The following GRIK4 variants were observed in gnomAD, a reference collection of about 807,000 sequenced individuals.
GRIK4 encodes glutamate ionotropic receptor kainate type subunit 4.
Under a neutral mutation model 104.9 loss-of-function variants are expected in GRIK4, and 40 were observed. The observed-to-expected ratio is 0.38, with a 90% CI of 0.30 to 0.50. The LOEUF (loss-of-function observed/expected upper bound fraction) is 0.50, where lower values mean the gene tolerates loss of function less well. Ranked by LOEUF, GRIK4 falls within the 20% of genes least tolerant of loss-of-function variation. The pLI, the probability that GRIK4 is intolerant of heterozygous loss-of-function variation, is 0.93. For synonymous variants in GRIK4, 485 were observed against 524.9 expected (o/e 0.92, Z 1.04); for missense variants, 1,047 against 1,308.1 (o/e 0.80, Z 3.08).
At chr11:120,523,223 G>A (rs764051147) in intron 1 of GRIK4, among the ~76,000 whole-genome samples, 10 of 151,018 alleles carry the variant, frequency 6.6e-5, no homozygotes, top group Non-Finnish European at 1.5e-4. Context: ...CCTTTGAAAC[G>A]TAACGGTCCT....
In GRIK4 at chr11:120,593,069, C is replaced by G. The variant is rs149521422; in HGVS notation, c.-158-60616C>G. 6.4e-3 allele frequency among the ~76,000 whole-genome samples: 978 copies of G among 151,900 alleles called. 5 individuals carry two copies. The highest frequency in any genetic ancestry group is 0.044 in the Middle Eastern group (13 of 294). ...CTGGTGGCGCACTCCTGTAATCCCA[C>G]CTACTCAGGAGGCTGAGGTGGGAGA... On this transcript the variant is annotated intron_variant, in intron 1 of 20. Transcript: ENST00000527524.
intron 8 of GRIK4, among the ~76,000 whole-genome samples, chr11:120,854,241 G>A (rs963095586): frequency 6.6e-6 from 1 of 152,222 alleles, no homozygotes; most frequent in East Asian, 1.9e-4. Context: ...GCTGAGCATG[G>A]AGCAGAGAGG....
chr11:120,849,092 G>A (rs573131160), intron 8 of GRIK4, among the ~76,000 whole-genome samples: 1 of 152,258 alleles, frequency 6.6e-6, no homozygotes, highest in South Asian at 2.1e-4. Context: ...CCAGAGCTGA[G>A]TTTGAGATAC....
rs1944025726 is a variant in GRIK4, at chr11:120,952,533, C to G, written c.1591-322C>G. 6.6e-6 allele frequency among the ~76,000 whole-genome samples: 1 copy of G among 152,164 alleles called. No homozygotes were observed. ...GTGCTTCCTGAGTCCATCCTCCACCCCCGATGGAGGACACAGGGTGGTACT... is the reference window on the plus strand; with the variant it reads ...GTGCTTCCTGAGTCCATCCTCCACCGCCGATGGAGGACACAGGGTGGTACT... On this transcript the variant is annotated intron_variant, in intron 14 of 20. Coordinates refer to ENST00000527524, the MANE Select transcript of GRIK4 (RefSeq NM_014619.5). This position sits in a 1 kb window ranked among gnomAD's most constrained non-coding sequence, Gnocchi z 5.2.
chr11:120,986,416 C>A lies in GRIK4; in HGVS notation c.*156C>A. On this transcript the variant is annotated 3_prime_UTR_variant, in exon 21 of 21. Coordinates refer to ENST00000527524, the MANE Select transcript of GRIK4 (RefSeq NM_014619.5). ...TTCAAAAAGATCAAGGAGCCTGACG[C>A]CCCAGCCAGAGACCGCGCCCGGTCA... 1 of 1,072,028 alleles carries A rather than the reference C, an allele frequency of 9.3e-7. No homozygotes were observed. Among genetic ancestry groups the A allele is most frequent in the Non-Finnish European group, 1.3e-6 (1 of 796,208 alleles). 66.4% of individuals were successfully genotyped at this position (1,072,028 alleles called of 1,614,324 possible).
Position 120,549,688 on chromosome 11 carries a change from G to T in GRIK4, c.-159+37801G>T, listed in dbSNP as rs1351200485. On this transcript the variant is annotated intron_variant, in intron 1 of 20. Coordinates refer to ENST00000527524, the MANE Select transcript of GRIK4 (RefSeq NM_014619.5). This position sits in a 1 kb window ranked among gnomAD's most constrained non-coding sequence, Gnocchi z 4.7. ...CAAGCAGAGGCTGAGGGCGGGTCGT[G>T]GGCCCCTGGGAGATCTGGGGTGCAG... is the stretch of plus-strand genomic sequence containing the variant. 6.6e-6 allele frequency among the ~76,000 whole-genome samples: 1 copy of T among 152,188 alleles called. No homozygotes were observed. The highest frequency in any genetic ancestry group is 1.5e-5 in the Non-Finnish European group (1 of 68,032).
chr11:120,964,964 G>A (rs1591340526), intron 18 of GRIK4, among the ~76,000 whole-genome samples: 2 of 152,174 alleles, frequency 1.3e-5, no homozygotes, highest in Non-Finnish European at 2.9e-5. Context: ...GGACAGGATA[G>A]GTGGGAAGGT....
At chr11:120,729,171 A>T (rs909697827) in intron 3 of GRIK4, among the ~76,000 whole-genome samples, 2 of 152,220 alleles carry the variant, frequency 1.3e-5, no homozygotes, top group African/African-American at 4.8e-5. Context: ...GTTGACGGAC[A>T]CTTAAGTTGC....
intron 13 of GRIK4, among the ~76,000 whole-genome samples, chr11:120,913,033 A>G (rs1283612709): frequency 2.0e-5 from 3 of 152,230 alleles, no homozygotes; most frequent in Admixed American, 6.5e-5. Flanking sequence ...CTGAATGTCT[A>G]TAAACTGCTT....
rs781772884 is a variant in GRIK4, at chr11:120,962,578, C to T, written c.2163C>T (p.Leu721=). Residue 721 remains leucine (L), a synonymous_variant, in exon 18 of 21, where the codon CTC becomes CTT. Transcript: ENST00000527524. ...TGTTGAATTCCAACTACGCCTTCCT[C>T]CTGGAATCCACCATGAACGAGTACT... is the stretch of plus-strand genomic sequence containing the variant. ...ARVLNSNYAF[L]LESTMNEYYR... 1.2e-6 allele frequency: 2 copies of T among 1,614,056 alleles called. No individual in the cohort carries two copies. Among genetic ancestry groups the T allele is most frequent in the Non-Finnish European group, 8.5e-7 (1 of 1,179,910 alleles).
intron 13 of GRIK4, among the ~76,000 whole-genome samples, chr11:120,929,765 A>G (rs1379094587): frequency 6.6e-6 from 1 of 152,148 alleles, no homozygotes; most frequent in Non-Finnish European, 1.5e-5. Context: ...GACACCGTCC[A>G]AGGTGTTAGA....
intron 1 of GRIK4, among the ~76,000 whole-genome samples, chr11:120,567,744 A>G (rs552083456): frequency 6.6e-6 from 1 of 152,172 alleles, no homozygotes; most frequent in Admixed American, 6.5e-5. Context: ...GGCTGGCCCT[A>G]GGTAGTGAGT....
intron 3 of GRIK4, among the ~76,000 whole-genome samples, chr11:120,715,641 C>A (rs1343575040): frequency 2.0e-5 from 3 of 152,114 alleles, no homozygotes; most frequent in Admixed American, 6.5e-5. Flanking sequence ...GTATGGAGAA[C>A]GACATTTGCA....
intron 1 of GRIK4, among the ~76,000 whole-genome samples, chr11:120,632,134 G>C (rs558332153): frequency 5.9e-5 from 9 of 152,106 alleles, no homozygotes. Flanking sequence ...GGTCATAGGC[G>C]TGGAGGCCTC....
chr11:120,661,414 C>T (rs901066257), intron 3 of GRIK4, among the ~76,000 whole-genome samples: 2 of 151,854 alleles, frequency 1.3e-5, no homozygotes, highest in African/African-American at 4.8e-5. Flanking sequence ...AACGGATAAC[C>T]ACATGAGGCC....
chr11:120,516,078 T>C (rs952089333), intron 1 of GRIK4, among the ~76,000 whole-genome samples: 6 of 152,160 alleles, frequency 3.9e-5, no homozygotes, highest in Non-Finnish European at 7.4e-5. Context: ...GGAGACACTT[T>C]TTGATTCATC....
intron 3 of GRIK4, among the ~76,000 whole-genome samples, chr11:120,789,778 A>G (rs1952360851): frequency 6.6e-6 from 1 of 151,994 alleles, no homozygotes. Context: ...ACTGGAACAC[A>G]CTTTGCTTCC....
At chr11:120,657,424 C>T (rs1340086573) in intron 2 of GRIK4, among the ~76,000 whole-genome samples, 2 of 152,248 alleles carry the variant, frequency 1.3e-5, no homozygotes, top group Admixed American at 6.5e-5. Flanking sequence ...CCTTCACCCC[C>T]ATCCTTTACT....
intron 3 of GRIK4, among the ~76,000 whole-genome samples, chr11:120,731,409 G>C (rs1202520146): frequency 6.6e-6 from 1 of 152,028 alleles, no homozygotes; most frequent in East Asian, 1.9e-4. Flanking sequence ...GCATCCCTGG[G>C]ATAAATCCTA....
Sources: allele counts gnomAD v4.1 joint callset (sites outside exome capture counted in the v4.1 genomes callset), GRCh38; gene constraint gnomAD v4.1.1; non-coding constraint Gnocchi (gnomAD v3.1); transcripts MANE v1.5; gene names NCBI Gene and HGNC (gene_info 2026-07-23, HGNC 2026-07-21).